CSHL1: variants seen among roughly 807,000 people sequenced by gnomAD.
The protein encoded by CSHL1 is chorionic somatomammotropin hormone like 1.
CSHL1 carries 25 observed loss-of-function variants against 24.3 expected under a neutral mutation model. The observed-to-expected ratio is 1.03, with a 90% CI of 0.75 to 1.44. CSHL1 has a LOEUF of 1.44. Among genes scored for constraint, CSHL1 ranks in the 40% most tolerant of loss-of-function variants. The pLI, the probability that CSHL1 is intolerant of heterozygous loss-of-function variation, is 0.00. For synonymous variants in CSHL1, 157 were observed against 115.6 expected, an observed-to-expected ratio of 1.36 and a Z score of -2.30; for missense variants, 342 against 279.3, an observed-to-expected ratio of 1.22 and a Z score of -1.60.
At position 63,910,160 on chromosome 17, in the gene CSHL1, A is replaced by G; in HGVS notation, c.471+2T>C. The stretch of plus-strand genomic sequence containing the variant: ...ATTGGGGACCCCTGGTGCCACCCTC[A>G]CCCCCATCAGCATTTGGATGCCTTC... On this transcript the variant is annotated splice_donor_variant, in intron 4 of 4. Coordinates refer to ENST00000309894, the MANE Select transcript of CSHL1 (RefSeq NM_022579.3). LOFTEE classifies it high-confidence loss of function. 1.2e-6 allele frequency: 2 copies of G among 1,614,008 alleles called. No individual in the cohort carries two copies. The highest frequency in any genetic ancestry group is 1.7e-6 in the Non-Finnish European group (2 of 1,180,010).
At chr17:63,911,138 C>G (rs1289173624) in intron 1 of CSHL1, 49 bp downstream of exon 1, 4 of 1,612,908 alleles carry the variant, frequency 2.5e-6, no homozygotes, top group Non-Finnish European at 3.4e-6. Context: ...AGGGCGCCGC[C>G]TCTCCCCTCA....
intron 1 of CSHL1, 54 bp downstream of exon 1, chr17:63,911,133 G>T: frequency 1.9e-6 from 3 of 1,612,510 alleles, no homozygotes; most frequent in South Asian, 1.1e-5. Flanking sequence ...TCTGCAGGGC[G>T]CCGCCTCTCC....
chr17:63,910,357 T>G (rs1162447164), intron 3 of CSHL1, 31 bp from the exon 4 acceptor site: 1 of 1,614,138 alleles, frequency 6.2e-7, no homozygotes, highest in Non-Finnish European at 8.5e-7. Context: ...GTGGCTGTGC[T>G]GCCCGGGGGC....
chr17:63,909,794 A>G lies in CSHL1; in HGVS notation c.586T>C (p.Cys196Arg), dbSNP rs762979577. ...ACCTTGTCCATGTCCTTCCTGAAGC[A>G]GTGGAGCAGCCCGTAGTTCTTGAGC... ...ALLKNYGLLH[C>R]FRKDMDKVET... The change falls in exon 5 of 5, where the codon TGC (cysteine) becomes CGC (arginine). Residue 196 changes from cysteine (C) to arginine (R), a missense_variant. Physicochemically the swap from Cys to Arg is radical, Grantham distance 180. Transcript: ENST00000309894. 1.9e-6 allele frequency: 3 copies of G among 1,614,046 alleles called. No individual in the cohort carries two copies. Among genetic ancestry groups the G allele is most frequent in the African/African-American group, 2.7e-5 (2 of 75,030 alleles).
intron 1 of CSHL1, 57 bp from the exon 2 acceptor site, chr17:63,910,981 C>A (rs1235087550): frequency 6.2e-7 from 1 of 1,612,132 alleles, no homozygotes; most frequent in Non-Finnish European, 8.5e-7. Context: ...CAGCACTCTC[C>A]CTGTTCCAGG....
rs561945354 is a variant in CSHL1 at position 63,910,021 on chromosome 17, A to T, written c.472-113T>A. On this transcript the variant is annotated intron_variant, in intron 4 of 4. Coordinates refer to ENST00000309894, the MANE Select transcript of CSHL1 (RefSeq NM_022579.3). ...CAGGGTGTAGAGAAAGGCCTGGAGG[A>T]TTCACGAGGGGAAATGAAGAATAAG... 19 of 1,613,906 alleles carry T rather than the reference A, an allele frequency of 1.2e-5. No homozygotes were observed. The African/African-American group carries it at 2.0e-4, about 17-fold the overall frequency.
rs1227766300 is a variant in CSHL1, at chr17:63,910,907, G to A, written c.28C>T (p.Leu10Phe). 1 of 1,613,950 alleles carries A rather than the reference G, an allele frequency of 6.2e-7. No individual in the cohort carries two copies. Among genetic ancestry groups the A allele is most frequent in the Non-Finnish European group, 8.5e-7 (1 of 1,180,000 alleles). The change falls in exon 2 of 5, where the codon CTC becomes TTC. Residue 10 changes from leucine (L) to phenylalanine (F), a missense_variant. Coordinates refer to ENST00000309894, the MANE Select transcript of CSHL1 (RefSeq NM_022579.3). MAAGSRTSL[L>F]LAFALLCLPW... ...AGGCAGAGCAGGGCAAAAGCCAGGA[G>A]CAGGGACGTCCGGGAGCCTGGGGAG...
chr17:63,910,105 C>G (rs139319568), intron 4 of CSHL1, 57 bp downstream of exon 4: 1 of 1,614,192 alleles, frequency 6.2e-7, no homozygotes, highest in South Asian at 1.1e-5. Context: ...GTTTCTCTCC[C>G]CCAGCCCTCG....
chr17:63,910,382 T>A, intron 3 of CSHL1, 38 bp downstream of exon 3: 1 of 1,614,102 alleles, frequency 6.2e-7, no homozygotes, highest in Non-Finnish European at 8.5e-7. Context: ...ACCACAGGTC[T>A]CCCCCATCCC....
Position 63,909,959 on chromosome 17 carries a change from C to G in CSHL1, c.472-51G>C, listed in dbSNP as rs754407774. ...AGACCAAGCGCTTGGGCACTGTTCC[C>G]TCCCTCTCTCATTTATCCATTTTCC... On this transcript the variant is annotated intron_variant, in intron 4 of 4. Transcript: ENST00000309894. The G allele has an allele frequency of 4.3e-6, 7 of 1,613,906 alleles. No homozygotes were observed. In the South Asian group the frequency reaches 6.6e-5, roughly 15 times the overall value.
rs751391705 is a variant in CSHL1, at chr17:63,910,275, G to A, written c.358C>T (p.Pro120Ser). ...AAGGTACTCCTGAGGAACCGCACGG[G>A]CTCCAGCCGCGACTCGATGAGCAGC... is the stretch of plus-strand genomic sequence containing the variant. Reference protein sequence around the residue: ...SLLLIESRLEPVRFLRSTFTN... With the variant: ...SLLLIESRLESVRFLRSTFTN... The change falls in exon 4 of 5, where the codon CCC (proline) becomes TCC (serine). Residue 120 changes from proline (P) to serine (S), a missense_variant. By Grantham distance (74) the Pro-to-Ser change is moderately conservative (BLOSUM62 -1). Transcript: ENST00000309894. 1 of 1,613,968 alleles carries A rather than the reference G, an allele frequency of 6.2e-7. No individual in the cohort carries two copies. The highest frequency in any genetic ancestry group is 8.5e-7 in the Non-Finnish European group (1 of 1,179,998).
Position 63,910,442 on chromosome 17 carries a change from A to G in CSHL1, c.284T>C (p.Met95Thr), listed in dbSNP as rs761662872. Residue 95 changes from methionine to threonine, a missense_variant, in exon 3 of 5, where the codon ATG (methionine) becomes ACG (threonine). By Grantham distance (81) the Met-to-Thr change is moderately conservative. Transcript: ENST00000309894. ...CACGGATTTCTGCTGCGTTTCCTCC[A>G]TGTTGGAGGATGTCGGAATAGAGTC... ...FSDSIPTSSN[M>T]EETQQKSNLE... 2 of 1,614,102 alleles carry G rather than the reference A, an allele frequency of 1.2e-6. No individual in the cohort carries two copies. The highest frequency in any genetic ancestry group is 2.2e-5 in the South Asian group (2 of 91,076).
At position 63,911,252 on chromosome 17, in the gene CSHL1, G is replaced by C; in HGVS notation, c.-56C>G. 6.2e-7 allele frequency: 1 copy of C among 1,613,960 alleles called. No homozygotes were observed. Among genetic ancestry groups the C allele is most frequent in the Non-Finnish European group, 8.5e-7 (1 of 1,179,870 alleles). On this transcript the variant is annotated 5_prime_UTR_variant, in exon 1 of 5. Transcript: ENST00000309894. ...GAGTGGTGCGGGGAGTCGGGCCTTG[G>C]GATGCTGGAGCTGGTCTCTTGTGGG...
At position 63,909,752 on chromosome 17, in the gene CSHL1, T is replaced by C. The variant is rs777585124; in HGVS notation, c.628A>G (p.Met210Val). 3.7e-6 allele frequency: 6 copies of C among 1,613,994 alleles called. No homozygotes were observed. Among genetic ancestry groups the C allele is most frequent in the South Asian group, 1.1e-5 (1 of 91,076 alleles). Residue 210 changes from methionine to valine, a missense_variant, in exon 5 of 5, where the codon ATG (methionine) becomes GTG (valine). Coordinates refer to ENST00000309894, the MANE Select transcript of CSHL1 (RefSeq NM_022579.3). ...CCCTCCACAGAGCGGCACTGCACCATGCGCAGGAATGTCTCGACCTTGTCC... is the reference window on the plus strand; with the variant it reads ...CCCTCCACAGAGCGGCACTGCACCACGCGCAGGAATGTCTCGACCTTGTCC... ...DMDKVETFLR[M>V]VQCRSVEGSC...
chr17:63,910,955 C>T (rs2144722621), intron 1 of CSHL1, 31 bp from the exon 2 acceptor site: 2 of 1,613,050 alleles, frequency 1.2e-6, no homozygotes, highest in East Asian at 4.5e-5. Flanking sequence ...AAGAAGGGAG[C>T]CGCAGAGCAA....
In CSHL1 at chr17:63,909,646, C is replaced by T. The variant is rs554765379; in HGVS notation, c.*65G>A. On this transcript the variant is annotated 3_prime_UTR_variant, in exon 5 of 5. Coordinates refer to ENST00000309894, the MANE Select transcript of CSHL1 (RefSeq NM_022579.3). ...TTTATTAAGACAAGGCTGGTGGGCACTGGAGTGGCACCTTCAGGGCCAGGA... is the reference window on the plus strand; with the variant it reads ...TTTATTAAGACAAGGCTGGTGGGCATTGGAGTGGCACCTTCAGGGCCAGGA... 4 of 1,612,426 alleles carry T rather than the reference C, an allele frequency of 2.5e-6. No homozygotes were observed. Among genetic ancestry groups the T allele is most frequent in the Non-Finnish European group, 3.4e-6 (4 of 1,178,820 alleles).
chr17:63,910,571 A>T (rs747233462), intron 2 of CSHL1, 36 bp from the exon 3 acceptor site: 1 of 1,614,010 alleles, frequency 6.2e-7, no homozygotes, highest in Admixed American at 1.7e-5. Flanking sequence ...AAGAAGGACC[A>T]CTGCTTTCTA....
chr17:63,910,575 CT>C (rs1346330119), intron 2 of CSHL1, 40 bp from the exon 3 acceptor site: 1 of 1,614,196 alleles, frequency 6.2e-7, no homozygotes, highest in African/African-American at 1.3e-5. Context: ...AGGACCACTG[CT>C]TTCTATGCTG....
intron 4 of CSHL1, 72 bp downstream of exon 4, chr17:63,910,090 G>A (rs979618602): frequency 1.2e-6 from 2 of 1,614,086 alleles, no homozygotes; most frequent in African/African-American, 2.7e-5. Flanking sequence ...AAAGAGGGCA[G>A]CAGTGTTTCT....
Sources: allele counts gnomAD v4.1 joint callset, GRCh38; gene constraint gnomAD v4.1.1; transcripts MANE v1.5; gene names NCBI Gene and HGNC (gene_info 2026-07-23, HGNC 2026-07-21).